Variants in RINT1 observed in about 807,000 individuals in gnomAD.
RINT1 encodes RAD50-interacting protein 1.
In RINT1, 75 loss-of-function variants were observed where a neutral mutation model predicts 97.7. The ratio of observed to expected loss-of-function variants is 0.77; its 90% CI spans 0.64 to 0.93. RINT1 has a LOEUF of 0.93. RINT1 is among the 40% of genes least tolerant of loss of function. The probability of loss-of-function intolerance (pLI) is 0.00; values close to 1 mark genes in which losing one functional copy is unlikely to be tolerated. For missense variants in RINT1, 892 were observed against 925.2 expected (o/e 0.96, Z 0.47); for synonymous variants, 303 against 326.3 (o/e 0.93, Z 0.77).
At chr7:105,549,353 A>AT (rs951217346) in intron 7 of RINT1, among the ~76,000 whole-genome samples, 48 of 142,928 alleles carry the variant, frequency 3.4e-4, no homozygotes, top group South Asian at 9.0e-4. Context: ...CAGACTAGCA[A>AT]TTTTTTTTTT....
intron 11 of RINT1, among the ~76,000 whole-genome samples, chr7:105,558,305 A>AAT (rs1554365574): frequency 1.0e-3 from 159 of 151,796 alleles, no homozygotes; most frequent in Non-Finnish European, 1.8e-3. Context: ...AAAAAAAAAA[A>AAT]AAAATAAAGT....
intron 6 of RINT1, among the ~76,000 whole-genome samples, chr7:105,547,613 G>A (rs898663982): frequency 2.0e-5 from 3 of 151,904 alleles, no homozygotes; most frequent in Non-Finnish European, 2.9e-5. Context: ...GCAATTGGGA[G>A]GAAACCTTTA....
At chr7:105,565,200 C>CT in intron 12 of RINT1, 77 bp from the exon 13 acceptor site, 1 of 1,364,262 alleles carries the variant, frequency 7.3e-7, no homozygotes, top group Non-Finnish European at 9.9e-7. Flanking sequence ...AGAACACTTC[C>CT]TCAAATTTAA....
intron 3 of RINT1, chr7:105,542,172 A>G (rs1241908359): frequency 3.0e-5 from 6 of 198,842 alleles, no homozygotes; most frequent in Non-Finnish European, 5.0e-5. Flanking sequence ...CTATTTAAAG[A>G]AAAAAAAAAA....
chr7:105,551,463 T>C, intron 9 of RINT1, 107 bp from the exon 10 acceptor site: 1 of 962,752 alleles, frequency 1.0e-6, no homozygotes, highest in Non-Finnish European at 1.5e-6. Context: ...TATTGTAGGT[T>C]TGTTTCTTTT....
intron 11 of RINT1, among the ~76,000 whole-genome samples, chr7:105,561,523 G>T (rs1406853894): frequency 6.6e-6 from 1 of 152,010 alleles, no homozygotes; most frequent in African/African-American, 2.4e-5. Context: ...TGAGACTCTT[G>T]TCTCAAAAAA....
At chr7:105,559,044 A>G (rs1791311050) in intron 11 of RINT1, among the ~76,000 whole-genome samples, 1 of 152,172 alleles carries the variant, frequency 6.6e-6, no homozygotes, top group African/African-American at 2.4e-5. Context: ...GCAGAGAAAT[A>G]AATTTCAGAG....
intron 3 of RINT1, among the ~76,000 whole-genome samples, chr7:105,539,423 C>CA (rs1162796038): frequency 6.8e-6 from 1 of 147,700 alleles, no homozygotes; most frequent in African/African-American, 2.5e-5. Flanking sequence ...TGCAATGGCA[C>CA]AATCTTGGCT....
intron 12 of RINT1, 136 bp downstream of exon 12, chr7:105,564,083 G>C (rs1414365230): frequency 3.1e-6 from 2 of 651,092 alleles, no homozygotes; most frequent in Non-Finnish European, 5.3e-6. Flanking sequence ...TATTTCTAAA[G>C]TATGTTCTCT....
In RINT1 at chr7:105,563,838, GA is replaced by G; in HGVS notation, c.1778del (p.Asp593ValfsTer3). On this transcript the variant is annotated frameshift_variant, in exon 12 of 15. Coordinates refer to ENST00000257700, the MANE Select transcript of RINT1 (RefSeq NM_021930.6). LOFTEE classifies it high-confidence loss of function. ...AGCCTCTATGGAGAGCTCTGTCTTT[GA>G]TGACATGATTAACCTCTTAGAACGT... ...QLASMESSVF[D>X]DMINLLERLK... The G allele has an allele frequency of 6.2e-7, 1 of 1,614,098 alleles. No individual in the cohort carries two copies. Among genetic ancestry groups the G allele is most frequent in the South Asian group, 1.1e-5 (1 of 91,076 alleles).
At position 105,565,440 on chromosome 7, in the gene RINT1, G is replaced by A. The variant is rs768627748; in HGVS notation, c.2050G>A (p.Val684Ile). The A allele has an allele frequency of 2.5e-6, 4 of 1,613,964 alleles. No individual in the cohort carries two copies. Among genetic ancestry groups the A allele is most frequent in the African/African-American group, 2.7e-5 (2 of 74,924 alleles). ...GCAAATGCTTGTAGAGAAGCTGGAT[G>A]TATACATCTACCAAGAAGTAAGTAA... ...FWQMLVEKLDVYIYQEIILAN... is the reference protein window; with the variant it reads ...FWQMLVEKLDIYIYQEIILAN... The change falls in exon 13 of 15, where the codon GTA becomes ATA. Residue 684 changes from valine (V) to isoleucine (I), a missense_variant. Val to Ile is a conservative substitution (Grantham distance 29). Coordinates refer to ENST00000257700, the MANE Select transcript of RINT1 (RefSeq NM_021930.6).
chr7:105,559,315 C>T (rs1032008758), intron 11 of RINT1, among the ~76,000 whole-genome samples: 4 of 150,554 alleles, frequency 2.7e-5, no homozygotes, highest in Non-Finnish European at 4.4e-5. Flanking sequence ...CCGAGGCAGG[C>T]GGATCACCTG....
At chr7:105,542,129 A>C (rs916581000) in intron 3 of RINT1, 1 of 264,146 alleles carries the variant, frequency 3.8e-6, no homozygotes, top group African/African-American at 2.2e-5. Flanking sequence ...AAAAGGTTAC[A>C]TACAGCCTGG....
intron 11 of RINT1, among the ~76,000 whole-genome samples, chr7:105,562,461 T>C (rs1422134335): frequency 2.0e-5 from 3 of 152,178 alleles, no homozygotes; most frequent in African/African-American, 4.8e-5. Flanking sequence ...AATGATTCTC[T>C]GGCCTCAGCC....
chr7:105,532,634 C>CT (rs11451993), intron 1 of RINT1, among the ~76,000 whole-genome samples, 190 bp from the exon 2 acceptor site: 20,846 of 152,006 alleles, frequency 0.14, 1,847 homozygotes, highest in South Asian at 0.26. Flanking sequence ...CACACACCTC[C>CT]TGGGAAGGTG....
chr7:105,561,401 G>A (rs1018060076), intron 11 of RINT1, among the ~76,000 whole-genome samples: 12 of 151,924 alleles, frequency 7.9e-5, no homozygotes, highest in Non-Finnish European at 1.0e-4. Flanking sequence ...GGTGGTGCTC[G>A]CCTGTAGTCC....
At chr7:105,552,666 CTTTTTTT>C (rs386410906) in intron 10 of RINT1, among the ~76,000 whole-genome samples, 69 of 80,036 alleles carry the variant, frequency 8.6e-4, no homozygotes, top group South Asian at 2.9e-3. Context: ...TAAATAATTC[CTTTTTTT>C]TTTTTTTTTT....
At chr7:105,535,696 G>A (rs975032672) in intron 2 of RINT1, 15 of 373,980 alleles carry the variant, frequency 4.0e-5, no homozygotes, top group African/African-American at 2.3e-4. Flanking sequence ...CTACAGGTGT[G>A]TTCCACCATT....
At chr7:105,543,824 C>G (rs1483718726) in intron 4 of RINT1, among the ~76,000 whole-genome samples, 1 of 151,922 alleles carries the variant, frequency 6.6e-6, no homozygotes, top group East Asian at 1.9e-4. Context: ...GGTGCAGTGG[C>G]TCACACCTGT....
Sources: allele counts gnomAD v4.1 joint callset (sites outside exome capture counted in the v4.1 genomes callset), GRCh38; gene constraint gnomAD v4.1.1; transcripts MANE v1.5; gene names NCBI Gene and HGNC (gene_info 2026-07-23, HGNC 2026-07-21).